LRMDA: variants seen among roughly 807,000 people sequenced by gnomAD.
LRMDA encodes leucine rich melanocyte differentiation associated.
Under a neutral mutation model 29.8 loss-of-function variants are expected in LRMDA, and 18 were observed. The ratio of observed to expected loss-of-function variants is 0.60; its 90% CI spans 0.42 to 0.90. The LOEUF (loss-of-function observed/expected upper bound fraction) is 0.90, where lower values mean the gene tolerates loss of function less well. Ranked by LOEUF, LRMDA falls within the 40% of genes least tolerant of loss-of-function variation. The pLI is 0.00. For synonymous variants in LRMDA, 125 were observed against 109.4 expected, an observed-to-expected ratio of 1.14 and a Z score of -0.89; for missense variants, 273 against 273.9, an observed-to-expected ratio of 1.00 and a Z score of 0.02.
At chr10:76,484,769 A>G (rs1005259040) in intron 6 of LRMDA, among the ~76,000 whole-genome samples, 10 of 151,808 alleles carry the variant, frequency 6.6e-5, no homozygotes, top group African/African-American at 2.2e-4. Context: ...ATTTCTGTTT[A>G]TTTATTTCTC....
chr10:76,084,162 A>C (rs1849095022), intron 5 of LRMDA, among the ~76,000 whole-genome samples: 1 of 151,316 alleles, frequency 6.6e-6, no homozygotes, highest in Admixed American at 6.6e-5. Context: ...GCTCAGTAGG[A>C]ATATTATGTT....
At position 76,194,037 on chromosome 10, in the gene LRMDA, T is replaced by G. The variant is rs527594346; in HGVS notation, c.517-130364T>G. 1.1e-4 allele frequency among the ~76,000 whole-genome samples: 17 copies of G among 152,256 alleles called. No individual in the cohort carries two copies. In the Middle Eastern group the frequency reaches 0.01, roughly 91 times the overall value. On this transcript the variant is annotated intron_variant, in intron 5 of 6. Coordinates refer to ENST00000611255, the MANE Select transcript of LRMDA (RefSeq NM_001305581.2). ...GAGCCAGTGCAAAGGTACAGAGACT[T>G]GAAGGGACAGGATATAGCAGAAAAT...
At chr10:75,977,111 GT>G (rs1369571889) in intron 2 of LRMDA, among the ~76,000 whole-genome samples, 5 of 147,406 alleles carry the variant, frequency 3.4e-5, no homozygotes, top group African/African-American at 5.0e-5. Context: ...TAGCTCGATG[GT>G]TCTTTTCTTC....
chr10:76,191,779 A>G (rs1400056580), intron 5 of LRMDA, among the ~76,000 whole-genome samples: 1 of 152,188 alleles, frequency 6.6e-6, no homozygotes, highest in African/African-American at 2.4e-5. Context: ...ATTACCTTGC[A>G]AAGGGCATGA....
chr10:76,104,694 G>T (rs1849451207), intron 5 of LRMDA, among the ~76,000 whole-genome samples: 1 of 152,142 alleles, frequency 6.6e-6, no homozygotes, highest in South Asian at 2.1e-4. Flanking sequence ...AGGTGAATAT[G>T]CCTTCTCTTT....
chr10:76,508,653 T>G (rs1186511288), intron 6 of LRMDA, among the ~76,000 whole-genome samples: 1 of 152,172 alleles, frequency 6.6e-6, no homozygotes, highest in Non-Finnish European at 1.5e-5. Flanking sequence ...CTTTTATAAG[T>G]TGATCTTATA....
chr10:75,797,307 A>G (rs1189361154), intron 2 of LRMDA, among the ~76,000 whole-genome samples: 1 of 152,082 alleles, frequency 6.6e-6, no homozygotes, highest in Non-Finnish European at 1.5e-5. Flanking sequence ...CTGCCATTAT[A>G]CCATTTTTCA....
chr10:76,495,424 AAACC>A (rs2132339290), intron 6 of LRMDA, among the ~76,000 whole-genome samples: 1 of 151,906 alleles, frequency 6.6e-6, no homozygotes, highest in East Asian at 1.9e-4. Flanking sequence ...CATATATAAT[AAACC>A]ATGACATTGA....
intron 5 of LRMDA, among the ~76,000 whole-genome samples, chr10:76,092,723 AG>A (rs1386933487): frequency 2.6e-5 from 4 of 152,224 alleles, no homozygotes; most frequent in Non-Finnish European, 4.4e-5. Context: ...TGTGATTAAA[AG>A]CAAGTGTGTA....
chr10:75,890,401 G>A (rs1180316054), intron 2 of LRMDA, among the ~76,000 whole-genome samples: 1 of 152,152 alleles, frequency 6.6e-6, no homozygotes, highest in Admixed American at 6.5e-5. Flanking sequence ...GAATAATAAA[G>A]AGGTAATATC....
At chr10:76,348,439 C>T (rs1841135823) in intron 6 of LRMDA, among the ~76,000 whole-genome samples, 1 of 152,194 alleles carries the variant, frequency 6.6e-6, no homozygotes, top group Admixed American at 6.5e-5. Context: ...CACGTATTTC[C>T]AAGGATTCTA....
chr10:75,676,893 G>A (rs1841966396), intron 2 of LRMDA, among the ~76,000 whole-genome samples: 1 of 152,030 alleles, frequency 6.6e-6, no homozygotes, highest in Admixed American at 6.6e-5. Flanking sequence ...CTGCACTTGT[G>A]TCTATTATTC....
intron 5 of LRMDA, among the ~76,000 whole-genome samples, chr10:76,179,780 C>T (rs957566378): frequency 6.6e-6 from 1 of 152,140 alleles, no homozygotes; most frequent in Non-Finnish European, 1.5e-5. Flanking sequence ...AGTGAGTCCA[C>T]TGCCTTGGAA....
At chr10:75,802,744 C>CT (rs1449271303) in intron 2 of LRMDA, among the ~76,000 whole-genome samples, 1 of 151,952 alleles carries the variant, frequency 6.6e-6, no homozygotes, top group Admixed American at 6.6e-5. Flanking sequence ...AGATTTACTG[C>CT]TTTTTTGATT....
At chr10:76,208,735 C>T (rs1851582751) in intron 5 of LRMDA, among the ~76,000 whole-genome samples, 1 of 152,112 alleles carries the variant, frequency 6.6e-6, no homozygotes, top group East Asian at 1.9e-4. Context: ...GCAAGCATGT[C>T]CTCCCCTCTG....
chr10:76,427,501 G>A (rs1842140887), intron 6 of LRMDA, among the ~76,000 whole-genome samples: 1 of 152,146 alleles, frequency 6.6e-6, no homozygotes, highest in South Asian at 2.1e-4. Flanking sequence ...ATGAGATTTT[G>A]GGCTGAGACG....
chr10:76,508,846 T>C (rs911825575), intron 6 of LRMDA, among the ~76,000 whole-genome samples: 2 of 152,166 alleles, frequency 1.3e-5, no homozygotes, highest in Admixed American at 6.6e-5. Flanking sequence ...AAATAATACA[T>C]CTGATGCCAC....
At chr10:75,869,309 G>C (rs1845070153) in intron 2 of LRMDA, among the ~76,000 whole-genome samples, 1 of 152,190 alleles carries the variant, frequency 6.6e-6, no homozygotes, top group Admixed American at 6.5e-5. Flanking sequence ...CTGGAGCCTA[G>C]TTCTGGTTAC....
chr10:75,793,196 A>G (rs1248235581), intron 2 of LRMDA, among the ~76,000 whole-genome samples: 1 of 152,098 alleles, frequency 6.6e-6, no homozygotes, highest in Non-Finnish European at 1.5e-5. Context: ...AGAGAGAGAG[A>G]GGAGGCTGCA....
Sources: gnomAD v4.1 joint callset for allele counts (sites outside exome capture counted in the v4.1 genomes callset) on GRCh38, gnomAD v4.1.1 for gene constraint, MANE v1.5 for transcripts, NCBI Gene and HGNC (gene_info 2026-07-23, HGNC 2026-07-21) for gene names.